The following MECOM variants were observed in gnomAD, a reference collection of about 807,000 sequenced individuals.
The protein encoded by MECOM is histone-lysine N-methyltransferase MECOM.
In MECOM, 13 loss-of-function variants were observed where a neutral mutation model predicts 116.3. The observed-to-expected ratio is 0.11, with a 90% CI of 0.07 to 0.18. The LOEUF (loss-of-function observed/expected upper bound fraction) is 0.18, where lower values mean the gene tolerates loss of function less well. Among genes scored for constraint, MECOM ranks in the 10% least tolerant of loss-of-function variants. The probability of loss-of-function intolerance (pLI) is 1.00; values close to 1 mark genes in which losing one functional copy is unlikely to be tolerated. For missense variants in MECOM, 1,299 were observed against 1,509.0 expected (o/e 0.86, Z 2.31); for synonymous variants, 528 against 535.2 (o/e 0.99, Z 0.19).
At chr3:169,108,019 C>T (rs975819868) in intron 9 of MECOM, 67 bp from the exon 10 acceptor site, 4 of 1,353,986 alleles carry the variant, frequency 3.0e-6, no homozygotes, top group South Asian at 2.5e-5. Flanking sequence ...GCAATCTATC[C>T]TTTGAGAAAT....
chr3:169,122,894 T>C (rs765504754), intron 5 of MECOM, among the ~76,000 whole-genome samples, 167 bp from the exon 6 acceptor site: 2 of 152,172 alleles, frequency 1.3e-5, no homozygotes, highest in Non-Finnish European at 2.9e-5. Context: ...GTGCATTTTA[T>C]ATTTCCTGGA....
At chr3:169,510,591 T>C (rs1755849064) in intron 1 of MECOM, among the ~76,000 whole-genome samples, 1 of 152,234 alleles carries the variant, frequency 6.6e-6, no homozygotes, top group African/African-American at 2.4e-5. Flanking sequence ...AATTATATCC[T>C]GTTTACAAAC....
At chr3:169,131,408 G>A (rs1456493099) in intron 4 of MECOM, 21 bp downstream of exon 4, 6 of 1,580,972 alleles carry the variant, frequency 3.8e-6, no homozygotes, top group Non-Finnish European at 5.2e-6. Context: ...TGATAAGGAG[G>A]GTGGCGTGAG....
intron 3 of MECOM, among the ~76,000 whole-genome samples, chr3:169,141,304 T>C (rs543364832): frequency 1.0e-3 from 153 of 152,186 alleles, no homozygotes; most frequent in Non-Finnish European, 1.5e-3. Context: ...AGAGAAACAC[T>C]TTTTATAATT....
chr3:169,640,922 A>G (rs1036155441), intron 1 of MECOM, among the ~76,000 whole-genome samples: 102 of 152,216 alleles, frequency 6.7e-4, no homozygotes, highest in African/African-American at 2.3e-3. Flanking sequence ...TGAAGAAATC[A>G]GATATTCTGG....
chr3:169,508,883 C>G (rs10513671), intron 1 of MECOM, among the ~76,000 whole-genome samples: 25,513 of 152,032 alleles, frequency 0.17, 2,293 homozygotes, highest in East Asian at 0.33. Context: ...CTTAGTTAAA[C>G]ATATTCGTCT....
chr3:169,168,337 C>CTTTT (rs1166736467), intron 2 of MECOM, among the ~76,000 whole-genome samples: 2 of 108,460 alleles, frequency 1.8e-5, no homozygotes, highest in African/African-American at 3.4e-5. Context: ...ACTTGGCCTG[C>CTTTT]TTTTTTTTTT....
At chr3:169,383,972 C>T (rs1350934779) in intron 1 of MECOM, among the ~76,000 whole-genome samples, 1 of 152,148 alleles carries the variant, frequency 6.6e-6, no homozygotes, top group Non-Finnish European at 1.5e-5. Context: ...GTCCTATCAC[C>T]GTCCCATTTA....
intron 1 of MECOM, among the ~76,000 whole-genome samples, chr3:169,474,460 T>C (rs1289191699): frequency 1.3e-5 from 2 of 152,188 alleles, no homozygotes; most frequent in Admixed American, 1.3e-4. Context: ...AATGGTAATA[T>C]ACCACCTTGG....
chr3:169,319,341 G>T (rs76919271), intron 2 of MECOM, among the ~76,000 whole-genome samples: 7,852 of 152,020 alleles, frequency 0.052, 489 homozygotes, highest in African/African-American at 0.14. Context: ...ACCAAACACT[G>T]CATGTTCTCA....
intron 1 of MECOM, among the ~76,000 whole-genome samples, chr3:169,649,793 T>C (rs1774654964): frequency 6.6e-6 from 1 of 152,230 alleles, no homozygotes; most frequent in African/African-American, 2.4e-5. Context: ...GAATTAAAAT[T>C]GCAAAGTAAA....
intron 5 of MECOM, among the ~76,000 whole-genome samples, chr3:169,123,145 T>C (rs1388354703): frequency 6.6e-6 from 1 of 151,482 alleles, no homozygotes; most frequent in African/African-American, 2.4e-5. Flanking sequence ...ATTAAGTGAG[T>C]ATTAAGCTCA....
chr3:169,353,452 A>G (rs781049228), intron 2 of MECOM, among the ~76,000 whole-genome samples: 41 of 151,870 alleles, frequency 2.7e-4, no homozygotes, highest in Non-Finnish European at 5.5e-4. Flanking sequence ...CCACATAAAA[A>G]TGTTTCCAAA....
At chr3:169,351,743 T>C (rs1471784391) in intron 2 of MECOM, among the ~76,000 whole-genome samples, 1 of 151,768 alleles carries the variant, frequency 6.6e-6, no homozygotes, top group Admixed American at 6.6e-5. Context: ...AGGTAAAAGC[T>C]TTTGAAGATC....
chr3:169,556,418 C>A (rs1338571564), intron 1 of MECOM, among the ~76,000 whole-genome samples: 1 of 152,090 alleles, frequency 6.6e-6, no homozygotes, highest in Admixed American at 6.6e-5. Flanking sequence ...AAAGGGGAAC[C>A]AAATTTCTGT....
At chr3:169,139,287 C>G (rs2149260668) in intron 3 of MECOM, among the ~76,000 whole-genome samples, 1 of 152,156 alleles carries the variant, frequency 6.6e-6, no homozygotes, top group African/African-American at 2.4e-5. Flanking sequence ...TGTCAAGGGC[C>G]TACTTAAAAA....
At chr3:169,426,075 A>T (rs1740621417) in intron 1 of MECOM, among the ~76,000 whole-genome samples, 1 of 152,152 alleles carries the variant, frequency 6.6e-6, no homozygotes, top group South Asian at 2.1e-4. Context: ...CTGCAGAAAT[A>T]CTTTTCTATC....
chr3:169,575,281 G>A (rs190296345), intron 1 of MECOM, among the ~76,000 whole-genome samples: 13 of 152,196 alleles, frequency 8.5e-5, no homozygotes, highest in African/African-American at 3.1e-4. Flanking sequence ...TTTTTAAAAG[G>A]AGCAACTAAA....
At chr3:169,462,042 A>G (rs1375060655) in intron 1 of MECOM, among the ~76,000 whole-genome samples, 1 of 152,156 alleles carries the variant, frequency 6.6e-6, no homozygotes, top group African/African-American at 2.4e-5. Context: ...TTCCAAATAC[A>G]CTAGCGTGTA....
Sources: gnomAD v4.1 joint callset for allele counts (sites outside exome capture counted in the v4.1 genomes callset) on GRCh38, gnomAD v4.1.1 for gene constraint, MANE v1.5 for transcripts, NCBI Gene and HGNC (gene_info 2026-07-23, HGNC 2026-07-21) for gene names.